NCALD: variants seen among roughly 807,000 people sequenced by gnomAD.
The protein encoded by NCALD is neurocalcin-delta.
A neutral mutation model predicts 18.6 loss-of-function variants in NCALD; 10 were observed. The ratio of observed to expected loss-of-function variants is 0.54; its 90% CI spans 0.33 to 0.91. The LOEUF (loss-of-function observed/expected upper bound fraction) is 0.91. NCALD is among the 40% of genes least tolerant of loss of function. NCALD has a pLI of 0.03. For synonymous variants in NCALD, 88 were observed against 87.4 expected, an observed-to-expected ratio of 1.01 and a Z score of -0.04; for missense variants, 184 against 247.6, an observed-to-expected ratio of 0.74 and a Z score of 1.72.
intron 1 of NCALD, among the ~76,000 whole-genome samples, chr8:102,105,148 AT>A (rs1189142668): frequency 1.3e-5 from 2 of 151,988 alleles, no homozygotes; most frequent in Non-Finnish European, 2.9e-5. Flanking sequence ...AATTAATTTG[AT>A]TTTTTTTCTA....
At chr8:101,822,013 G>C (rs1283553202) in intron 4 of NCALD, among the ~76,000 whole-genome samples, 2 of 151,894 alleles carry the variant, frequency 1.3e-5, no homozygotes, top group Non-Finnish European at 2.9e-5. Context: ...AACTTTCCTC[G>C]AGACACTCCT....
At chr8:102,051,391 T>C (rs910708074) in intron 1 of NCALD, among the ~76,000 whole-genome samples, 1 of 152,178 alleles carries the variant, frequency 6.6e-6, no homozygotes, top group African/African-American at 2.4e-5. Context: ...GTGGTACCTA[T>C]TGAGAGCTCA....
chr8:101,747,162 C>T (rs1437299536), intron 1 of NCALD, among the ~76,000 whole-genome samples: 2 of 147,012 alleles, frequency 1.4e-5, no homozygotes, highest in African/African-American at 4.9e-5. Context: ...CTGCCCCACA[C>T]ACACAGAGTC....
intron 1 of NCALD, among the ~76,000 whole-genome samples, chr8:101,782,646 A>G (rs76681171): frequency 0.027 from 4,183 of 152,198 alleles, 94 homozygotes; most frequent in Middle Eastern, 0.048. Context: ...CTGTCACTAG[A>G]ATGTTCTCAT....
chr8:102,073,765 C>A (rs1262629252), intron 1 of NCALD, among the ~76,000 whole-genome samples: 1 of 152,094 alleles, frequency 6.6e-6, no homozygotes, highest in South Asian at 2.1e-4. Flanking sequence ...CCTTTGAAAG[C>A]CCTAGGCAGG....
At chr8:101,711,090 T>C (rs941176336) in intron 2 of NCALD, among the ~76,000 whole-genome samples, 3 of 152,186 alleles carry the variant, frequency 2.0e-5, no homozygotes, top group African/African-American at 7.2e-5. Flanking sequence ...ATTTTTGCTA[T>C]TCTGCAGCCT....
At chr8:101,780,920 C>T (rs974257622) in intron 1 of NCALD, among the ~76,000 whole-genome samples, 1 of 152,112 alleles carries the variant, frequency 6.6e-6, no homozygotes, top group Non-Finnish European at 1.5e-5. Context: ...GCTGATGGAA[C>T]AGTTAATAAA....
chr8:101,751,783 G>A (rs1810671074), intron 1 of NCALD, among the ~76,000 whole-genome samples: 1 of 152,130 alleles, frequency 6.6e-6, no homozygotes, highest in African/African-American at 2.4e-5. Flanking sequence ...CTGCTTATTC[G>A]GGAGACAGCC....
chr8:101,743,936 G>T (rs1055087337), intron 1 of NCALD, among the ~76,000 whole-genome samples: 6 of 152,174 alleles, frequency 3.9e-5, no homozygotes, highest in Admixed American at 2.6e-4. Context: ...TCACAGAGGT[G>T]GTTTGGACAG....
At chr8:101,789,102 A>G (rs932837252) in intron 1 of NCALD, 1 of 152,200 alleles carries the variant, frequency 6.6e-6, no homozygotes, top group East Asian at 1.9e-4. Flanking sequence ...AGCACCAAGA[A>G]AATCTCTGCT....
intron 1 of NCALD, among the ~76,000 whole-genome samples, chr8:102,066,129 C>A (rs183786051): frequency 6.6e-6 from 1 of 152,150 alleles, no homozygotes; most frequent in African/African-American, 2.4e-5. Context: ...CAGTCAATAC[C>A]GAACTGATGA....
At chr8:101,810,580 T>G (rs556494745) in intron 4 of NCALD, among the ~76,000 whole-genome samples, 3 of 152,136 alleles carry the variant, frequency 2.0e-5, no homozygotes, top group Non-Finnish European at 4.4e-5. Context: ...AGCCCAAATT[T>G]CCATTTAGTA....
intron 1 of NCALD, among the ~76,000 whole-genome samples, chr8:101,739,118 C>A (rs1398304320): frequency 6.6e-6 from 1 of 152,062 alleles, no homozygotes; most frequent in African/African-American, 2.4e-5. Flanking sequence ...CATATCTTCA[C>A]GGCTTGAATA....
intron 4 of NCALD, among the ~76,000 whole-genome samples, chr8:101,877,195 T>C (rs1432976104): frequency 6.6e-6 from 1 of 152,272 alleles, no homozygotes; most frequent in East Asian, 1.9e-4. Context: ...TATATCCTTC[T>C]GATTCAAAGA....
At chr8:101,889,959 A>G (rs1816812373) in intron 3 of NCALD, among the ~76,000 whole-genome samples, 1 of 152,232 alleles carries the variant, frequency 6.6e-6, no homozygotes, top group Admixed American at 6.5e-5. Flanking sequence ...TTTAAATGGG[A>G]GAGAAGTTCT....
At chr8:102,019,776 T>G (rs1178420015) in intron 2 of NCALD, among the ~76,000 whole-genome samples, 2 of 152,080 alleles carry the variant, frequency 1.3e-5, no homozygotes, top group East Asian at 3.9e-4. Flanking sequence ...CATTAGAAAA[T>G]CCATTAATGT....
intron 2 of NCALD, among the ~76,000 whole-genome samples, chr8:101,696,430 C>T (rs76751312): frequency 1.3e-5 from 2 of 152,250 alleles, no homozygotes; most frequent in East Asian, 3.9e-4. Context: ...GTAGGCTTCT[C>T]TGAGGAATGA....
intron 2 of NCALD, among the ~76,000 whole-genome samples, chr8:101,928,986 T>G (rs541849040): frequency 8.4e-4 from 128 of 151,870 alleles, no homozygotes; most frequent in African/African-American, 3.0e-3. Context: ...GGAGGCCAGA[T>G]CAGGTAGAGA....
chr8:102,121,760 C>T (rs11989669), intron 1 of NCALD, among the ~76,000 whole-genome samples: 1 of 152,136 alleles, frequency 6.6e-6, no homozygotes, highest in African/African-American at 2.4e-5. Context: ...GGACACACCT[C>T]GAGGGCAAGG....
Sources: allele counts gnomAD v4.1 joint callset (sites outside exome capture counted in the v4.1 genomes callset), GRCh38; gene constraint gnomAD v4.1.1; transcripts MANE v1.5; gene names NCBI Gene and HGNC (gene_info 2026-07-23, HGNC 2026-07-21).